Variants in TNRC18 observed in about 807,000 individuals in gnomAD.
The protein encoded by TNRC18 is trinucleotide repeat containing 18, also known as trinucleotide repeat-containing gene 18 protein.
A neutral mutation model predicts 226.7 loss-of-function variants in TNRC18; 69 were observed. The ratio of observed to expected loss-of-function variants is 0.30; its 90% CI spans 0.25 to 0.37. TNRC18 has a LOEUF of 0.37. TNRC18 is among the 10% of genes least tolerant of loss of function. The pLI, the probability that TNRC18 is intolerant of heterozygous loss-of-function variation, is 1.00. For synonymous variants in TNRC18, 2,449 were observed against 1,927.6 expected (o/e 1.27, Z -7.09); for missense variants, 4,754 against 4,256.6 (o/e 1.12, Z -3.25).
In TNRC18 at chr7:5,333,036, C is replaced by G; in HGVS notation, c.5733G>C (p.Glu1911Asp). ...ERQSLLGTEFEYTDSESEVKV... is the reference protein window; with the variant it reads ...ERQSLLGTEFDYTDSESEVKV... ...TGACCTCGCTCTCTGAGTCGGTGTACTCGAACTCTGTGCCTGAACGCGGGA... is the reference window on the plus strand; with the variant it reads ...TGACCTCGCTCTCTGAGTCGGTGTAGTCGAACTCTGTGCCTGAACGCGGGA... Residue 1911 changes from glutamate (E) to aspartate (D), a missense_variant, in exon 19 of 30, where the codon GAG (glutamate) becomes GAC (aspartate). Physicochemically the swap from Glu to Asp is conservative, Grantham distance 45. Coordinates refer to ENST00000430969, the MANE Select transcript of TNRC18 (RefSeq NM_001080495.3). 1 of 1,576,706 alleles carries G rather than the reference C, an allele frequency of 6.3e-7. No homozygotes were observed. Among genetic ancestry groups the G allele is most frequent in the Non-Finnish European group, 8.6e-7 (1 of 1,169,494 alleles).
At chr7:5,365,835 C>T (rs1474924168) in intron 11 of TNRC18, among the ~76,000 whole-genome samples, 1 of 151,808 alleles carries the variant, frequency 6.6e-6, no homozygotes, top group Non-Finnish European at 1.5e-5. Flanking sequence ...TTTGGGAGGC[C>T]GAGGCGGGCG....
At chr7:5,383,139 G>A (rs542503364) in intron 5 of TNRC18, among the ~76,000 whole-genome samples, 19 of 152,256 alleles carry the variant, frequency 1.2e-4, no homozygotes, top group African/African-American at 4.3e-4. Context: ...CTGAGCTCAA[G>A]CGATCTGCCC....
chr7:5,338,855 G>C (rs1350212760), intron 18 of TNRC18, among the ~76,000 whole-genome samples: 1 of 150,952 alleles, frequency 6.6e-6, no homozygotes, highest in Non-Finnish European at 1.5e-5. Context: ...GGGAGGTGGA[G>C]GTTGTGGTGA....
Position 5,375,998 on chromosome 7 carries a change from C to T in TNRC18, c.2799+36G>A, listed in dbSNP as rs767220591. ...GTCTGCCTCGTCACCCATGGGGGCC[C>T]CCAGAGGGAGCTGCGCCTCATCCTC... On this transcript the variant is annotated intron_variant, in intron 9 of 29. Coordinates refer to ENST00000430969, the MANE Select transcript of TNRC18 (RefSeq NM_001080495.3). The T allele has an allele frequency of 3.9e-6, 6 of 1,555,044 alleles. No individual in the cohort carries two copies. In the East Asian group the frequency reaches 9.6e-5, roughly 25 times the overall value.
chr7:5,405,531 G>A (rs577198067), intron 2 of TNRC18, among the ~76,000 whole-genome samples: 10 of 150,958 alleles, frequency 6.6e-5, no homozygotes, highest in African/African-American at 2.2e-4. Flanking sequence ...ATTGTGCCAC[G>A]GCACTCCAGC....
intron 19 of TNRC18, 95 bp downstream of exon 19, chr7:5,332,527 T>G (rs1583804115): frequency 1.5e-6 from 2 of 1,369,790 alleles, no homozygotes; most frequent in Non-Finnish European, 1.9e-6. Flanking sequence ...TTATTAACAG[T>G]GAAGCCGCTT....
chr7:5,422,001 C>T (rs1298418275), intron 1 of TNRC18, among the ~76,000 whole-genome samples: 1 of 152,108 alleles, frequency 6.6e-6, no homozygotes, highest in Non-Finnish European at 1.5e-5. Context: ...TTTTCCTGAG[C>T]TCGCCTTGAA....
chr7:5,360,587 C>T (rs79935638), intron 14 of TNRC18, among the ~76,000 whole-genome samples: 6 of 151,956 alleles, frequency 3.9e-5, no homozygotes, highest in Admixed American at 6.6e-5. Flanking sequence ...ACACCTGGCC[C>T]GAGGTCGGTC....
Position 5,313,300 on chromosome 7 carries a change from G to A in TNRC18, c.7591C>T (p.Pro2531Ser), listed in dbSNP as rs1401194174. The A allele has an allele frequency of 3.2e-6, 5 of 1,548,578 alleles. No homozygotes were observed. The highest frequency in any genetic ancestry group is 2.3e-4 in the Middle Eastern group (1 of 4,432). The change falls in exon 27 of 30, where the codon CCG becomes TCG. Residue 2531 changes from proline to serine, a missense_variant. Coordinates refer to ENST00000430969, the MANE Select transcript of TNRC18 (RefSeq NM_001080495.3). ...CCAGAGTCCTCGAACGTGAGCCCCG[G>A]CCCGGGCTCCTGGGCGAGGTCCCCG... ...TDGDLAQEPGPGLTFEDSGNP... is the reference protein window; with the variant it reads ...TDGDLAQEPGSGLTFEDSGNP...
In TNRC18 at chr7:5,377,510, G is replaced by A; in HGVS notation, c.2322C>T (p.Asn774=). The A allele has an allele frequency of 1.9e-6, 3 of 1,587,108 alleles. No individual in the cohort carries two copies. Among genetic ancestry groups the A allele is most frequent in the Non-Finnish European group, 2.6e-6 (3 of 1,167,422 alleles). Residue 774 remains asparagine, a synonymous_variant, in exon 7 of 30, where the codon AAC becomes AAT. Coordinates refer to ENST00000430969, the MANE Select transcript of TNRC18 (RefSeq NM_001080495.3). The surrounding 1 kb of genome is among the most constrained non-coding windows in gnomAD (Gnocchi z 5.8). ...HPTSCAPNGL[N]PNLMVTGGPA... ...GGCCCCCCGTCACCATGAGGTTGGG[G>A]TTCAGGCCGTTAGGAGCACAGCTGG...
chr7:5,394,727 G>A lies in TNRC18; in HGVS notation c.188-132C>T, dbSNP rs891213854. 5 of 702,410 alleles carry A rather than the reference G, an allele frequency of 7.1e-6. No individual in the cohort carries two copies. The highest frequency in any genetic ancestry group is 5.6e-5 in the African/African-American group (3 of 53,770). 43.5% of individuals were successfully genotyped at this position (702,410 alleles called of 1,614,324 possible). A position where few individuals can be genotyped will look rare whatever the true frequency, so the allele number is the denominator to read the frequency against. ...TGTGTGGAGCTGATGCTGGCCAGGAGACCAAAGAGGGTTCCCCTGCTCCGG... is the reference window on the plus strand; with the variant it reads ...TGTGTGGAGCTGATGCTGGCCAGGAAACCAAAGAGGGTTCCCCTGCTCCGG... On this transcript the variant is annotated intron_variant, in intron 2 of 29. Coordinates refer to ENST00000430969, the MANE Select transcript of TNRC18 (RefSeq NM_001080495.3). The surrounding 1 kb of genome is among the most constrained non-coding windows in gnomAD (Gnocchi z 4.5).
intron 18 of TNRC18, among the ~76,000 whole-genome samples, chr7:5,339,153 T>TG (rs1343866233): frequency 4.6e-5 from 7 of 151,376 alleles, no homozygotes; most frequent in Non-Finnish European, 5.9e-5. Flanking sequence ...GCAATTGTTT[T>TG]GGGGCTCCGT....
Position 5,325,400 on chromosome 7 carries a change from A to G in TNRC18, c.6148-152T>C, listed in dbSNP as rs896513595. 6.0e-6 allele frequency: 5 copies of G among 837,584 alleles called. No individual in the cohort carries two copies. The Admixed American group carries it at 1.0e-4, about 17-fold the overall frequency. The allele number at this position is 837,584 out of a possible 1,614,324, so 51.9% of individuals were successfully genotyped here. A position where few individuals can be genotyped will look rare whatever the true frequency, so the allele number is the denominator to read the frequency against. ...AAACACCCCTTCTCTCTCTTCCTGC[A>G]AGCGTTTTTGGTTTTGGGTTTTTTT... On this transcript the variant is annotated intron_variant, in intron 19 of 29. Transcript: ENST00000430969.
intron 24 of TNRC18, among the ~76,000 whole-genome samples, chr7:5,316,935 C>A (rs946745616): frequency 3.3e-5 from 5 of 152,150 alleles, no homozygotes; most frequent in African/African-American, 9.6e-5. Flanking sequence ...CTGAGGGTGG[C>A]CCAGCTGGCA....
chr7:5,389,468 T>TGTTTTTTTTTTTTTG, intron 4 of TNRC18, 132 bp from the exon 5 acceptor site: 1 of 1,102,092 alleles, frequency 9.1e-7, no homozygotes, highest in Non-Finnish European at 1.1e-6. Context: ...TTGGTTTTTT[T>TGTTTTTTTTTTTTTG]TTTCAGAAAG....
intron 15 of TNRC18, among the ~76,000 whole-genome samples, chr7:5,358,830 A>AC (rs1368067587): frequency 6.6e-6 from 1 of 152,102 alleles, no homozygotes; most frequent in Non-Finnish European, 1.5e-5. Context: ...AAACAAACAA[A>AC]AAAAAACTAC....
In TNRC18 at chr7:5,356,738, TC is replaced by T. The variant is rs67430912; in HGVS notation, c.5194+177del. On this transcript the variant is annotated intron_variant, in intron 16 of 29. Transcript: ENST00000430969. ...ACAGGCATATCCGCTTCAGGCGGCCTCCCCCCCCACTTCCGGCTTGGAGGCC... is the reference window on the plus strand; with the variant it reads ...ACAGGCATATCCGCTTCAGGCGGCCTCCCCCCCACTTCCGGCTTGGAGGCC... 4.2e-4 allele frequency among the ~76,000 whole-genome samples: 60 copies of T among 143,914 alleles called. 1 individual carries two copies. Among genetic ancestry groups the T allele is most frequent in the African/African-American group, 4.3e-4 (16 of 37,592 alleles). The allele number at this position is 143,914 out of a possible 152,430, so 94.4% of individuals were successfully genotyped here. A position where few individuals can be genotyped will look rare whatever the true frequency, so the allele number is the denominator to read the frequency against.
intron 17 of TNRC18, among the ~76,000 whole-genome samples, chr7:5,349,646 G>A (rs1021312456): frequency 6.6e-6 from 1 of 152,194 alleles, no homozygotes; most frequent in Non-Finnish European, 1.5e-5. Context: ...GACCCGCTGC[G>A]CCGTCTGCCC....
Position 5,309,434 on chromosome 7 carries a change from G to A in TNRC18, c.8389-66C>T. 1 of 1,445,770 alleles carries A rather than the reference G, an allele frequency of 6.9e-7. No individual in the cohort carries two copies. The highest frequency in any genetic ancestry group is 9.4e-7 in the Non-Finnish European group (1 of 1,066,230). 89.6% of individuals were successfully genotyped at this position (1,445,770 alleles called of 1,614,324 possible). A position where few individuals can be genotyped will look rare whatever the true frequency, so the allele number is the denominator to read the frequency against. On this transcript the variant is annotated intron_variant, in intron 27 of 29. Transcript: ENST00000430969. This position sits in a 1 kb window ranked among gnomAD's most constrained non-coding sequence, Gnocchi z 5.7. ...CCCCAAGGAGCCCGCCGCCTGGCAGGCTCTGCCGCTTGGGACTCTGGGCCC... is the reference window on the plus strand; with the variant it reads ...CCCCAAGGAGCCCGCCGCCTGGCAGACTCTGCCGCTTGGGACTCTGGGCCC...
Sources: gnomAD v4.1 joint callset for allele counts (sites outside exome capture counted in the v4.1 genomes callset) on GRCh38, gnomAD v4.1.1 for gene constraint, Gnocchi (gnomAD v3.1) non-coding constraint, MANE v1.5 for transcripts, NCBI Gene and HGNC (gene_info 2026-07-23, HGNC 2026-07-21) for gene names.